The following CDH8 variants were observed in gnomAD, a reference collection of about 807,000 sequenced individuals.
The protein encoded by CDH8 is cadherin 8.
In CDH8, 17 loss-of-function variants were observed where a neutral mutation model predicts 68.1. That is an observed-to-expected ratio of 0.25 (90% CI 0.17 to 0.37). The LOEUF (loss-of-function observed/expected upper bound fraction) is 0.37, where lower values mean the gene tolerates loss of function less well. Ranked by LOEUF, CDH8 falls within the 10% of genes least tolerant of loss-of-function variation. The pLI, the probability that CDH8 is intolerant of heterozygous loss-of-function variation, is 1.00. For synonymous variants in CDH8, 372 were observed against 365.1 expected, an observed-to-expected ratio of 1.02 and a Z score of -0.21; for missense variants, 763 against 999.3, an observed-to-expected ratio of 0.76 and a Z score of 3.19.
intron 10 of CDH8, among the ~76,000 whole-genome samples, chr16:61,698,799 G>A (rs1011253052): frequency 2.0e-5 from 3 of 152,024 alleles, no homozygotes; most frequent in Non-Finnish European, 4.4e-5. Context: ...ATCTTTCTTT[G>A]GTTTTTTTCA....
intron 3 of CDH8, among the ~76,000 whole-genome samples, chr16:61,871,535 TAAA>T (rs1963363332): frequency 6.6e-6 from 1 of 151,866 alleles, no homozygotes; most frequent in Non-Finnish European, 1.5e-5. Flanking sequence ...ATGTAACAAA[TAAA>T]TATTTATTTA....
At chr16:61,968,186 G>C (rs1341824689) in intron 2 of CDH8, among the ~76,000 whole-genome samples, 2 of 152,174 alleles carry the variant, frequency 1.3e-5, no homozygotes, top group Non-Finnish European at 2.9e-5. Context: ...AAATTCCTGT[G>C]ATCCACTTCC....
At chr16:61,954,714 AAAAG>A (rs1555524384) in intron 2 of CDH8, among the ~76,000 whole-genome samples, 311 of 151,310 alleles carry the variant, frequency 2.1e-3, no homozygotes, top group Non-Finnish European at 3.3e-3. Context: ...AAAAAAAAAA[AAAAG>A]AAAGAAAGAA....
chr16:61,773,551 C>T (rs182817325), intron 8 of CDH8, among the ~76,000 whole-genome samples: 1 of 152,000 alleles, frequency 6.6e-6, no homozygotes, highest in African/African-American at 2.4e-5. Flanking sequence ...AAGAATTGCT[C>T]TGTGAGTTTT....
At chr16:61,986,733 A>G (rs185951808) in intron 2 of CDH8, among the ~76,000 whole-genome samples, 4 of 152,286 alleles carry the variant, frequency 2.6e-5, no homozygotes, top group Non-Finnish European at 4.4e-5. Context: ...GTAATCCTCT[A>G]GCTTAATCAT....
chr16:61,831,373 T>C (rs967855447), intron 4 of CDH8, among the ~76,000 whole-genome samples: 4 of 151,826 alleles, frequency 2.6e-5, no homozygotes, highest in African/African-American at 4.8e-5. Context: ...TAGCTGTGAA[T>C]AGACTCGTGT....
At chr16:61,969,838 T>G (rs1965310690) in intron 2 of CDH8, among the ~76,000 whole-genome samples, 1 of 152,188 alleles carries the variant, frequency 6.6e-6, no homozygotes. Context: ...CAACAATGCT[T>G]AGACCCAGAG....
Position 61,649,819 on chromosome 16 carries a change from C to T in CDH8, c.*3789G>A, listed in dbSNP as rs947916531. On this transcript the variant is annotated 3_prime_UTR_variant, in exon 12 of 12. Transcript: ENST00000577390. ...CTCTCAGCACCCGCTTTTCCTTTTC[C>T]AAAATACAGCATAGCCCAGAACTCT... is the stretch of plus-strand genomic sequence containing the variant. 18 of 152,052 alleles carry T rather than the reference C, an allele frequency of 1.2e-4. 1 individual carries two copies. The highest frequency in any genetic ancestry group is 7.3e-5 in the Non-Finnish European group (5 of 68,038). The allele number at this position is 152,052 out of a possible 1,614,324, so 9.4% of individuals were successfully genotyped here. A position where few individuals can be genotyped will look rare whatever the true frequency, so the allele number is the denominator to read the frequency against.
At chr16:61,774,561 A>G (rs11642874) in intron 8 of CDH8, among the ~76,000 whole-genome samples, 20,759 of 152,014 alleles carry the variant, frequency 0.14, 1,778 homozygotes, top group Middle Eastern at 0.21. Flanking sequence ...GTATATTTAA[A>G]AAAAGATCCT....
intron 5 of CDH8, among the ~76,000 whole-genome samples, chr16:61,821,835 C>T (rs1962221612): frequency 6.6e-6 from 1 of 152,042 alleles, no homozygotes; most frequent in African/African-American, 2.4e-5. Context: ...ACTGCTGTCA[C>T]TCACTTTCAC....
At chr16:61,975,763 T>C (rs1449045335) in intron 2 of CDH8, among the ~76,000 whole-genome samples, 2 of 152,146 alleles carry the variant, frequency 1.3e-5, no homozygotes, top group Non-Finnish European at 2.9e-5. Context: ...CTTTTAAGGA[T>C]ATTCTGTTTT....
At chr16:61,682,516 T>G (rs746535915) in intron 10 of CDH8, among the ~76,000 whole-genome samples, 2 of 151,974 alleles carry the variant, frequency 1.3e-5, no homozygotes, top group African/African-American at 2.4e-5. Flanking sequence ...GGTCTCACAG[T>G]TGAATATTGT....
At chr16:61,780,892 G>A (rs920077367) in intron 8 of CDH8, among the ~76,000 whole-genome samples, 3 of 152,118 alleles carry the variant, frequency 2.0e-5, no homozygotes, top group African/African-American at 7.2e-5. Flanking sequence ...TGCCACCCCA[G>A]CTAGTATTTT....
At chr16:61,734,641 C>T (rs2142910018) in intron 8 of CDH8, among the ~76,000 whole-genome samples, 1 of 152,038 alleles carries the variant, frequency 6.6e-6, no homozygotes, top group East Asian at 1.9e-4. Context: ...GCCTTCCTTC[C>T]TTCTCTCTCT....
intron 8 of CDH8, among the ~76,000 whole-genome samples, chr16:61,744,494 C>T (rs1959963066): frequency 6.6e-6 from 1 of 151,962 alleles, no homozygotes; most frequent in Admixed American, 6.6e-5. Context: ...TGATAAGAGA[C>T]ATGATCTGTG....
At position 61,647,754 on chromosome 16, in the gene CDH8, TA is replaced by T. The variant is rs1301162667; in HGVS notation, c.*5853del. 4 of 696,010 alleles carry T rather than the reference TA, an allele frequency of 5.7e-6. No individual in the cohort carries two copies. Among genetic ancestry groups the T allele is most frequent in the Non-Finnish European group, 1.0e-5 (4 of 381,332 alleles). 43.1% of individuals were successfully genotyped at this position (696,010 alleles called of 1,614,324 possible). On this transcript the variant is annotated 3_prime_UTR_variant, in exon 12 of 12. Coordinates refer to ENST00000577390, the MANE Select transcript of CDH8 (RefSeq NM_001796.5). ...ATGTACAGAAGAAATCCCAAGAAAT[TA>T]ACATTTGGCTTTGGTGACCTCTCAT...
rs1597112491 is a variant in CDH8 at position 61,991,208 on chromosome 16, C to A, written c.252+29944G>T. On this transcript the variant is annotated intron_variant, in intron 2 of 11. Coordinates refer to ENST00000577390, the MANE Select transcript of CDH8 (RefSeq NM_001796.5). ...CTCCAAACTGCCAGAGTTAGCGTCT[C>A]TAAGTCATTTTGGGTAAGCAGGGGC... 2.6e-5 allele frequency among the ~76,000 whole-genome samples: 4 copies of A among 152,164 alleles called. No individual in the cohort carries two copies. In the South Asian group the frequency reaches 8.3e-4, roughly 32 times the overall value.
chr16:61,934,771 G>T (rs1205735699), intron 2 of CDH8, among the ~76,000 whole-genome samples: 1 of 152,046 alleles, frequency 6.6e-6, no homozygotes. Context: ...TTCAAGACAC[G>T]CTTGTAGAAT....
chr16:61,731,288 T>C (rs1959530061), intron 8 of CDH8, among the ~76,000 whole-genome samples: 1 of 151,404 alleles, frequency 6.6e-6, no homozygotes, highest in Non-Finnish European at 1.5e-5. Context: ...GCAGATAGAG[T>C]CAGCTGAAAT....
Sources: allele counts gnomAD v4.1 joint callset (sites outside exome capture counted in the v4.1 genomes callset), GRCh38; gene constraint gnomAD v4.1.1; transcripts MANE v1.5; gene names NCBI Gene and HGNC (gene_info 2026-07-23, HGNC 2026-07-21).